Variants in KANK1 observed in about 807,000 individuals in gnomAD.
The protein encoded by KANK1 is KN motif and ankyrin repeat domains 1, also known as KN motif and ankyrin repeat domain-containing protein 1.
Under a neutral mutation model 106.2 loss-of-function variants are expected in KANK1, and 109 were observed. The ratio of observed to expected loss-of-function variants is 1.03; its 90% confidence interval spans 0.88 to 1.20. The LOEUF (loss-of-function observed/expected upper bound fraction) is 1.20, where lower values mean the gene tolerates loss of function less well. KANK1 is among the 50% of genes most tolerant of loss of function. KANK1 has a pLI of 0.00. For missense variants in KANK1, 2,399 were observed against 1,710.7 expected (o/e 1.40, Z -7.10); for synonymous variants, 873 against 652.2 (o/e 1.34, Z -5.16).
chr9:512,594 C>T (rs1265016028), intron 1 of KANK1, among the ~76,000 whole-genome samples: 1 of 152,058 alleles, frequency 6.6e-6, no homozygotes, highest in Non-Finnish European at 1.5e-5. Context: ...TTGGGTAAAC[C>T]AGTTGGAAGC....
intron 1 of KANK1, among the ~76,000 whole-genome samples, chr9:580,413 C>G (rs1333520728): frequency 6.6e-6 from 1 of 152,166 alleles, no homozygotes; most frequent in Non-Finnish European, 1.5e-5. Context: ...ACTGCTGGCT[C>G]AGGCATCTGC....
intron 3 of KANK1, among the ~76,000 whole-genome samples, chr9:475,454 TA>T (rs147561995): frequency 0.052 from 7,850 of 152,258 alleles, 274 homozygotes; most frequent in South Asian, 0.11. Flanking sequence ...CTCTTCCAAA[TA>T]TACTCTACTT....
intron 1 of KANK1, among the ~76,000 whole-genome samples, chr9:518,967 C>T (rs374787579): frequency 1.8e-4 from 27 of 151,602 alleles, no homozygotes; most frequent in Non-Finnish European, 3.8e-4. Context: ...CTCGGCTCAC[C>T]GCAAACTCCC....
At chr9:541,236 G>C (rs1206801562) in intron 1 of KANK1, among the ~76,000 whole-genome samples, 2 of 152,096 alleles carry the variant, frequency 1.3e-5, no homozygotes, top group African/African-American at 4.8e-5. Flanking sequence ...CAGACATATA[G>C]ACCAATGGAA....
intron 1 of KANK1, among the ~76,000 whole-genome samples, chr9:577,626 G>A (rs928798819): frequency 1.3e-5 from 2 of 152,168 alleles, no homozygotes; most frequent in African/African-American, 2.4e-5. Context: ...GTTTAAGGCA[G>A]TTATTCTCAA....
At chr9:629,270 C>T (rs1835098906) in intron 1 of KANK1, among the ~76,000 whole-genome samples, 1 of 152,004 alleles carries the variant, frequency 6.6e-6, no homozygotes, top group African/African-American at 2.4e-5. Context: ...CATGTTCTTG[C>T]TCCCCCTCCC....
intron 1 of KANK1, among the ~76,000 whole-genome samples, chr9:663,228 C>G (rs1216812623): frequency 6.6e-6 from 1 of 152,132 alleles, no homozygotes; most frequent in African/African-American, 2.4e-5. Flanking sequence ...TCGTACTAAA[C>G]TAACTTATAT....
At chr9:542,532 C>T (rs2060665212) in intron 1 of KANK1, among the ~76,000 whole-genome samples, 2 of 152,154 alleles carry the variant, frequency 1.3e-5, no homozygotes, top group South Asian at 4.1e-4. Context: ...ACTGAACTTC[C>T]ATATGATCCA....
chr9:667,354 TA>T (rs941444595), intron 1 of KANK1, among the ~76,000 whole-genome samples: 2 of 152,070 alleles, frequency 1.3e-5, no homozygotes, highest in African/African-American at 4.8e-5. Context: ...AGTTTTTTTT[TA>T]ACTAAACTTT....
chr9:707,076 C>G, intron 2 of KANK1: 4 of 985,380 alleles, frequency 4.1e-6, no homozygotes, highest in Non-Finnish European at 4.8e-6. Context: ...GGAGACCTCG[C>G]CGGTGAAAGC....
chr9:602,684 A>C (rs1203152300), intron 1 of KANK1, among the ~76,000 whole-genome samples: 1 of 151,872 alleles, frequency 6.6e-6, no homozygotes, highest in African/African-American at 2.4e-5. Context: ...ACTTTTGATA[A>C]GTTATTTTTG....
chr9:708,350 A>G (rs550801028), intron 2 of KANK1, among the ~76,000 whole-genome samples: 13 of 152,374 alleles, frequency 8.5e-5, no homozygotes, highest in Non-Finnish European at 1.6e-4. Context: ...TAAAAGGGAA[A>G]GAGAGAAGGA....
intron 1 of KANK1, among the ~76,000 whole-genome samples, chr9:640,351 T>G (rs1450437846): frequency 6.6e-6 from 1 of 151,912 alleles, no homozygotes; most frequent in East Asian, 1.9e-4. Context: ...TTCTCCTGCA[T>G]CAGCCTCCCG....
intron 1 of KANK1, among the ~76,000 whole-genome samples, chr9:647,825 C>T (rs558576928): frequency 2.0e-5 from 3 of 150,422 alleles, no homozygotes; most frequent in Non-Finnish European, 4.4e-5. Flanking sequence ...AATCCCAGAT[C>T]TTCCATGGGT....
At chr9:668,636 C>T (rs1845215618) in intron 1 of KANK1, among the ~76,000 whole-genome samples, 1 of 151,808 alleles carries the variant, frequency 6.6e-6, no homozygotes, top group Admixed American at 6.6e-5. Context: ...GTGTGTTTAT[C>T]ATAGGTTTTT....
intron 1 of KANK1, among the ~76,000 whole-genome samples, chr9:517,350 C>T (rs1178728576): frequency 1.3e-5 from 2 of 151,750 alleles, no homozygotes; most frequent in Non-Finnish European, 2.9e-5. Context: ...GATCTGCCTG[C>T]CTCGGCCTTC....
intron 1 of KANK1, chr9:673,722 T>G (rs565724081): frequency 6.6e-6 from 1 of 152,028 alleles, no homozygotes; most frequent in Non-Finnish European, 1.5e-5. Context: ...TCTGGGCACA[T>G]CTCCATCCAA....
At chr9:510,224 G>A (rs2058970812) in intron 1 of KANK1, among the ~76,000 whole-genome samples, 1 of 152,108 alleles carries the variant, frequency 6.6e-6, no homozygotes, top group African/African-American at 2.4e-5. Context: ...TTTAAAAATA[G>A]CATAAATTGA....
In KANK1 at chr9:601,627, C is replaced by G. The variant is rs148045911; in HGVS notation, c.-83-75263C>G. On this transcript the variant is annotated intron_variant, in intron 1 of 11. Coordinates refer to ENST00000382297, the MANE Select transcript of KANK1 (RefSeq NM_015158.5). ...GCTAGTGCTATTCGTGTGGACTCAT[C>G]ATGGACAGTTACTTCATTCTGTGGG... 9.7e-4 allele frequency among the ~76,000 whole-genome samples: 148 copies of G among 151,972 alleles called. 5 individuals are homozygous for G. The highest frequency in any genetic ancestry group is 2.9e-3 in the African/African-American group (118 of 41,242).
Sources: allele counts gnomAD v4.1 joint callset (sites outside exome capture counted in the v4.1 genomes callset), GRCh38; gene constraint gnomAD v4.1.1; transcripts MANE v1.5; gene names NCBI Gene and HGNC (gene_info 2026-07-23, HGNC 2026-07-21).